SLC27A1: variants seen among roughly 807,000 people sequenced by gnomAD.
SLC27A1 encodes the protein solute carrier family 27 member 1.
Under a neutral mutation model 62.2 loss-of-function variants are expected in SLC27A1, and 61 were observed. The ratio of observed to expected loss-of-function variants is 0.98; its 90% CI spans 0.80 to 1.21. SLC27A1 has a LOEUF of 1.21. Ranked by LOEUF, SLC27A1 falls within the 50% of genes most tolerant of loss-of-function variation. The probability of loss-of-function intolerance (pLI) is 0.00; values close to 1 mark genes in which losing one functional copy is unlikely to be tolerated. For synonymous variants in SLC27A1, 435 were observed against 408.6 expected (o/e 1.06, Z -0.78); for missense variants, 903 against 932.1 (o/e 0.97, Z 0.41).
At chr19:17,469,735 G>A (rs981993931), upstream of SLC27A1, among the ~76,000 whole-genome samples, 5 of 151,704 alleles carry the variant, frequency 3.3e-5, no homozygotes, top group Non-Finnish European at 7.4e-5. Context: ...TCCTAGGGGG[G>A]CCGGAGTGAA....
chr19:17,484,662 TGAATGAAGATG>T (rs771027436), intron 1 of SLC27A1, among the ~76,000 whole-genome samples: 63 of 148,574 alleles, frequency 4.2e-4, no homozygotes, highest in Non-Finnish European at 8.2e-4. Flanking sequence ...AGGGAATGAG[TGAATGAAGATG>T]GAATGAATGA....
intron 1 of SLC27A1, among the ~76,000 whole-genome samples, chr19:17,473,696 T>C (rs1345645531): frequency 6.6e-6 from 1 of 152,168 alleles, no homozygotes; most frequent in Admixed American, 6.6e-5. Flanking sequence ...GCCTTGTCTC[T>C]ACTGAAAATA....
chr19:17,488,151 G>T (rs954298088), intron 4 of SLC27A1, among the ~76,000 whole-genome samples: 1 of 152,140 alleles, frequency 6.6e-6, no homozygotes, highest in Non-Finnish European at 1.5e-5. Flanking sequence ...TTGACGTCAG[G>T]AGTTCGAGAC....
intron 1 of SLC27A1, among the ~76,000 whole-genome samples, chr19:17,482,745 C>T (rs545650407): frequency 6.6e-6 from 1 of 151,194 alleles, no homozygotes; most frequent in South Asian, 2.1e-4. Flanking sequence ...GGGCTTTGCA[C>T]TCAGTAGGTG....
At chr19:17,482,699 G>C (rs983348498) in intron 1 of SLC27A1, among the ~76,000 whole-genome samples, 1 of 151,640 alleles carries the variant, frequency 6.6e-6, no homozygotes, top group African/African-American at 2.4e-5. Flanking sequence ...TGGAGCGGGA[G>C]GAGGGTCTGT....
At position 17,486,776 on chromosome 19, in the gene SLC27A1, G is replaced by T. The variant is rs1386208461; in HGVS notation, c.381G>T (p.Pro127=). Residue 127 remains proline, a synonymous_variant, in exon 2 of 12, where the codon CCG becomes CCT. Transcript: ENST00000252595. The surrounding 1 kb of genome is among the most constrained non-coding windows in gnomAD (Gnocchi z 6.6). ...TCTTCCGCCAGCTGGGCTTCGCGCCGGGCGACGTGGTGGCCATCTTCCTGG... is the reference window on the plus strand; with the variant it reads ...TCTTCCGCCAGCTGGGCTTCGCGCCTGGCGACGTGGTGGCCATCTTCCTGG... ...ANLFRQLGFA[P]GDVVAIFLEG... 2 of 1,604,232 alleles carry T rather than the reference G, an allele frequency of 1.2e-6. No individual in the cohort carries two copies.
intron 1 of SLC27A1, among the ~76,000 whole-genome samples, chr19:17,474,660 T>G (rs544580628): frequency 6.6e-6 from 1 of 150,856 alleles, no homozygotes; most frequent in African/African-American, 2.4e-5. Context: ...GATGGGAGTT[T>G]CGCTTTGTCA....
In SLC27A1 at chr19:17,504,371, C is replaced by T. The variant is rs186885675; in HGVS notation, c.1784-84C>T. On this transcript the variant is annotated intron_variant, in intron 11 of 11. Coordinates refer to ENST00000252595, the MANE Select transcript of SLC27A1 (RefSeq NM_198580.3). ...CCCAGGGGACAGCCTGTGGGAAGGTCCAGAGGTGCAGGAGAGGATATTGAG... is the reference window on the plus strand; with the variant it reads ...CCCAGGGGACAGCCTGTGGGAAGGTTCAGAGGTGCAGGAGAGGATATTGAG... The T allele has an allele frequency of 1.4e-4, 218 of 1,530,394 alleles. 1 individual carries two copies. Among genetic ancestry groups the T allele is most frequent in the African/African-American group, 1.3e-3 (92 of 73,162 alleles). 94.8% of individuals were successfully genotyped at this position (1,530,394 alleles called of 1,614,324 possible).
intron 1 of SLC27A1, among the ~76,000 whole-genome samples, chr19:17,480,855 T>C (rs981109782): frequency 6.6e-6 from 1 of 152,104 alleles, no homozygotes; most frequent in African/African-American, 2.4e-5. Context: ...CAGTGTCTGT[T>C]GTTCCCATCT....
intron 1 of SLC27A1, among the ~76,000 whole-genome samples, chr19:17,473,487 C>T (rs1024463409): frequency 1.3e-5 from 2 of 152,204 alleles, no homozygotes; most frequent in Non-Finnish European, 2.9e-5. Flanking sequence ...GACACCTAAG[C>T]TGTCCCCCTC....
intron 1 of SLC27A1, among the ~76,000 whole-genome samples, chr19:17,476,589 G>C (rs938914263): frequency 1.3e-5 from 2 of 151,258 alleles, no homozygotes; most frequent in African/African-American, 4.9e-5. Flanking sequence ...GGCACCTGCT[G>C]TGTGCCTCAT....
At position 17,470,547 on chromosome 19, in the gene SLC27A1, G is replaced by C; in HGVS notation, c.7G>C (p.Ala3Pro). Residue 3 changes from alanine (A) to proline (P), a missense_variant, in exon 1 of 12, where the codon GCT (alanine) becomes CCT (proline). By Grantham distance (27) the Ala-to-Pro change is conservative. Transcript: ENST00000252595. MR[A>P]PGAGAASVVS... Reference sequence around the variant, plus strand: ...CTCTCTCTGCTTCCCCAGGATGCGGGCTCCGGGTGCGGGCGCGGCCTCGGT... The same window carrying C: ...CTCTCTCTGCTTCCCCAGGATGCGGCCTCCGGGTGCGGGCGCGGCCTCGGT... The C allele has an allele frequency of 6.4e-7, 1 of 1,557,394 alleles. No homozygotes were observed. The highest frequency in any genetic ancestry group is 8.6e-7 in the Non-Finnish European group (1 of 1,160,776).
In SLC27A1 at chr19:17,488,892, A is replaced by C; in HGVS notation, c.839A>C (p.Gln280Pro). The C allele has an allele frequency of 1.2e-6, 2 of 1,614,002 alleles. No individual in the cohort carries two copies. The highest frequency in any genetic ancestry group is 4.5e-5 in the East Asian group (2 of 44,890). ...AAFGHHAYRM[Q>P]AADVLYDCLP... ...TTCGGCCACCACGCCTACCGCATGC[A>C]GGCGGCTGACGTGCTCTATGACTGC... The change falls in exon 5 of 12, where the codon CAG (glutamine) becomes CCG (proline). Residue 280 changes from glutamine (Q) to proline (P), a missense_variant. Coordinates refer to ENST00000252595, the MANE Select transcript of SLC27A1 (RefSeq NM_198580.3).
At chr19:17,476,625 G>C (rs1277362024) in intron 1 of SLC27A1, among the ~76,000 whole-genome samples, 1 of 151,808 alleles carries the variant, frequency 6.6e-6, no homozygotes, top group Non-Finnish European at 1.5e-5. Context: ...CACTGGCTAC[G>C]TCGCCAGCAC....
chr19:17,473,477 G>A (rs2075095534), intron 1 of SLC27A1, among the ~76,000 whole-genome samples: 1 of 152,182 alleles, frequency 6.6e-6, no homozygotes. Flanking sequence ...CTGCTTGTCT[G>A]ACACCTAAGC....
At chr19:17,497,496 C>T in intron 7 of SLC27A1, 32 bp downstream of exon 7, 2 of 1,568,188 alleles carry the variant, frequency 1.3e-6, no homozygotes, top group East Asian at 2.3e-5. Flanking sequence ...GGGCAGGTCT[C>T]GGAGTTCAGG....
intron 2 of SLC27A1, 63 bp downstream of exon 2, chr19:17,487,020 A>AT: frequency 1.3e-6 from 2 of 1,538,566 alleles, no homozygotes; most frequent in Non-Finnish European, 1.7e-6. Flanking sequence ...GCGGGCGGGG[A>AT]GATGCTGCGC....
At chr19:17,497,656 C>A in intron 7 of SLC27A1, 192 bp downstream of exon 7, 1 of 643,486 alleles carries the variant, frequency 1.6e-6, no homozygotes. Flanking sequence ...ATCCTGCAGC[C>A]TGCACAGATA....
At chr19:17,500,653 C>T (rs201410611) in intron 9 of SLC27A1, 21 bp downstream of exon 9, 214 of 1,613,732 alleles carry the variant, frequency 1.3e-4, no homozygotes, top group Non-Finnish European at 1.7e-4. Flanking sequence ...TGCTAGGCCC[C>T]GGTGACTGGC....
Sources: gnomAD v4.1 joint callset for allele counts (sites outside exome capture counted in the v4.1 genomes callset) on GRCh38, gnomAD v4.1.1 for gene constraint, Gnocchi (gnomAD v3.1) non-coding constraint, MANE v1.5 for transcripts, NCBI Gene and HGNC (gene_info 2026-07-23, HGNC 2026-07-21) for gene names.